ARHGAP8: variants seen among roughly 807,000 people sequenced by gnomAD.
The protein encoded by ARHGAP8 is rho GTPase-activating protein 8.
In ARHGAP8, 62 loss-of-function variants were observed where a neutral mutation model predicts 46.1. The ratio of observed to expected loss-of-function variants is 1.34; its 90% CI spans 1.10 to 1.66. ARHGAP8 has a LOEUF of 1.66. ARHGAP8 is among the 40% of genes most tolerant of loss of function. The pLI is 0.00. For missense variants in ARHGAP8, 923 were observed against 568.4 expected (o/e 1.62, Z -6.34); for synonymous variants, 375 against 243.1 (o/e 1.54, Z -5.05).
At chr22:44,832,751 AT>A (rs1332258222) in intron 7 of ARHGAP8, among the ~76,000 whole-genome samples, 1 of 152,114 alleles carries the variant, frequency 6.6e-6, no homozygotes, top group Non-Finnish European at 1.5e-5. Context: ...TTATTGCCTG[AT>A]TATGCCTGAC....
chr22:44,859,386 C>T lies in ARHGAP8; in HGVS notation c.878-345C>T, dbSNP rs2285123. ...CTCTCTCTTGCTCCTGTTTTTGCCA[C>T]GTGATGCACCTCCTTCCTTTTTGCC... is the stretch of plus-strand genomic sequence containing the variant. On this transcript the variant is annotated intron_variant, in intron 10 of 11. Coordinates refer to ENST00000356099, the MANE Select transcript of ARHGAP8 (RefSeq NM_181335.3). Among the ~76,000 whole-genome samples the T allele has an allele frequency of 2.6e-3, 403 of 152,264 alleles. 7 individuals are homozygous for T. The East Asian group carries it at 0.039, about 15-fold the overall frequency.
chr22:44,850,747 C>T (rs1183972700), intron 10 of ARHGAP8: 2 of 152,086 alleles, frequency 1.3e-5, no homozygotes, highest in African/African-American at 4.8e-5. Flanking sequence ...GGGTGGATCA[C>T]TTGTCATAGG....
chr22:44,828,395 C>T (rs1265399423), intron 7 of ARHGAP8, among the ~76,000 whole-genome samples: 1 of 151,330 alleles, frequency 6.6e-6, no homozygotes, highest in Non-Finnish European at 1.5e-5. Context: ...GAGAACTCAG[C>T]CCTTGACCAG....
rs147677675 is a variant in ARHGAP8 at position 44,862,445 on chromosome 22, G to C, written c.1152G>C (p.Pro384=). The C allele has an allele frequency of 3.7e-6, 6 of 1,613,968 alleles. No homozygotes were observed. The highest frequency in any genetic ancestry group is 2.2e-5 in the South Asian group (2 of 91,060). Residue 384 remains proline, a synonymous_variant, in exon 12 of 12, where the codon CCG becomes CCC. Coordinates refer to ENST00000356099, the MANE Select transcript of ARHGAP8 (RefSeq NM_181335.3). ...IEYYEKIFST[P]EAPGEHGLAP... ...ACTATGAAAAGATCTTCAGCACCCC[G>C]GAGGCACCTGGGGAGCACGGCCTGG...
chr22:44,860,139 G>A (rs990930266), intron 11 of ARHGAP8, among the ~76,000 whole-genome samples: 1 of 152,048 alleles, frequency 6.6e-6, no homozygotes, highest in African/African-American at 2.4e-5. Context: ...TTCCTGCTTG[G>A]GCTGAGTCTC....
intron 2 of ARHGAP8, among the ~76,000 whole-genome samples, chr22:44,793,593 G>A (rs535367650): frequency 3.3e-5 from 5 of 152,248 alleles, no homozygotes; most frequent in South Asian, 2.1e-4. Flanking sequence ...TTTATGATGC[G>A]TTTTAATCGC....
intron 7 of ARHGAP8, among the ~76,000 whole-genome samples, chr22:44,829,009 A>G (rs1341321817): frequency 6.6e-6 from 1 of 150,910 alleles, no homozygotes; most frequent in Admixed American, 6.6e-5. Flanking sequence ...GCGGTGGCTC[A>G]TGCCTGTAAT....
intron 7 of ARHGAP8, among the ~76,000 whole-genome samples, chr22:44,838,160 C>T (rs1360411632): frequency 5.8e-5 from 8 of 138,910 alleles, no homozygotes; most frequent in South Asian, 2.3e-4. Flanking sequence ...TTTTTGAAGA[C>T]GGAGTCTTGC....
intron 4 of ARHGAP8, among the ~76,000 whole-genome samples, 176 bp from the exon 5 acceptor site, chr22:44,814,495 AG>A (rs892692689): frequency 4.5e-4 from 69 of 152,262 alleles, no homozygotes; most frequent in African/African-American, 1.4e-3. Flanking sequence ...GCAGCAGGTG[AG>A]GGGTCCTGAT....
rs2070564377 is a variant in ARHGAP8, at chr22:44,862,751, C to T, written c.*156C>T. Reference sequence around the variant, plus strand: ...TGCCTCTGGTCCTTGGACTCTTGTCCATGGTTCCTGAGCTGTGGACCGGGA... The same window carrying T: ...TGCCTCTGGTCCTTGGACTCTTGTCTATGGTTCCTGAGCTGTGGACCGGGA... On this transcript the variant is annotated 3_prime_UTR_variant, in exon 12 of 12. Coordinates refer to ENST00000356099, the MANE Select transcript of ARHGAP8 (RefSeq NM_181335.3). The T allele has an allele frequency of 6.5e-6, 6 of 920,420 alleles. No individual in the cohort carries two copies. Among genetic ancestry groups the T allele is most frequent in the African/African-American group, 1.7e-5 (1 of 60,358 alleles). 57.0% of individuals were successfully genotyped at this position (920,420 alleles called of 1,614,324 possible). A position where few individuals can be genotyped will look rare whatever the true frequency, so the allele number is the denominator to read the frequency against.
rs1391250768 is a variant in ARHGAP8 at position 44,857,387 on chromosome 22, C to T, written c.878-2344C>T. ...AGGGTCAAAATCTTTTCCTTCTCCCCATCTTAGGTTCCTTGGTGGGGGCCC... is the reference window on the plus strand; with the variant it reads ...AGGGTCAAAATCTTTTCCTTCTCCCTATCTTAGGTTCCTTGGTGGGGGCCC... On this transcript the variant is annotated intron_variant, in intron 10 of 11. Coordinates refer to ENST00000356099, the MANE Select transcript of ARHGAP8 (RefSeq NM_181335.3). Among the ~76,000 whole-genome samples, 6 of 152,182 alleles carry T rather than the reference C, an allele frequency of 3.9e-5. No individual in the cohort carries two copies. The South Asian group carries it at 6.2e-4, about 16-fold the overall frequency.
Position 44,845,336 on chromosome 22 carries a change from GAGAA to G in ARHGAP8, c.667_670del (p.Lys223AlafsTer30). On this transcript the variant is annotated frameshift_variant and splice_region_variant, in exon 8 of 12. Coordinates refer to ENST00000356099, the MANE Select transcript of ARHGAP8 (RefSeq NM_181335.3). LOFTEE classifies it high-confidence loss of function. ...GAGGTTCACAGTGACGTACCTGAGA[GAGAA>G]AGGTGAGACGGGGCCGGCTCCAGCT... is the stretch of plus-strand genomic sequence containing the variant. 1 of 1,614,106 alleles carries G rather than the reference GAGAA, an allele frequency of 6.2e-7. No individual in the cohort carries two copies. Among genetic ancestry groups the G allele is most frequent in the Non-Finnish European group, 8.5e-7 (1 of 1,180,004 alleles).
intron 10 of ARHGAP8, among the ~76,000 whole-genome samples, chr22:44,858,401 C>T (rs961968597): frequency 2.0e-5 from 3 of 147,848 alleles, no homozygotes; most frequent in South Asian, 4.3e-4. Context: ...GAGTTTCACT[C>T]TTGTTGCCCA....
intron 1 of ARHGAP8, among the ~76,000 whole-genome samples, chr22:44,757,732 G>A (rs1271827893): frequency 6.6e-6 from 1 of 151,918 alleles, no homozygotes; most frequent in Admixed American, 6.6e-5. Context: ...TCCGCCTCCT[G>A]GGCTCAAATG....
At chr22:44,822,504 T>G in intron 6 of ARHGAP8, 35 bp downstream of exon 6, 1 of 1,493,042 alleles carries the variant, frequency 6.7e-7, no homozygotes, top group Non-Finnish European at 8.9e-7. Context: ...GCCGCATCAA[T>G]ACATCTTCGT....
At chr22:44,806,269 G>A (rs548864488) in intron 3 of ARHGAP8, among the ~76,000 whole-genome samples, 90 of 152,286 alleles carry the variant, frequency 5.9e-4, no homozygotes, top group African/African-American at 1.9e-3. Flanking sequence ...AGTATGCCCC[G>A]GTGGCTTAGC....
chr22:44,753,554 G>A (rs1048809922), intron 1 of ARHGAP8, among the ~76,000 whole-genome samples: 1 of 149,544 alleles, frequency 6.7e-6, no homozygotes, highest in Non-Finnish European at 1.5e-5. Context: ...TCCGCTAGCA[G>A]CCTCGGAGGT....
chr22:44,861,254 T>G (rs1012287681), intron 11 of ARHGAP8, among the ~76,000 whole-genome samples: 1 of 152,156 alleles, frequency 6.6e-6, no homozygotes, highest in Non-Finnish European at 1.5e-5. Flanking sequence ...ATTACAGGTG[T>G]GAGCCACTGC....
chr22:44,756,187 C>T (rs910304043), intron 1 of ARHGAP8, among the ~76,000 whole-genome samples: 1 of 152,126 alleles, frequency 6.6e-6, no homozygotes, highest in South Asian at 2.1e-4. Flanking sequence ...TTGGGCAGGT[C>T]TGAATTCCTG....
Sources: gnomAD v4.1 joint callset for allele counts (sites outside exome capture counted in the v4.1 genomes callset) on GRCh38, gnomAD v4.1.1 for gene constraint, MANE v1.5 for transcripts, NCBI Gene and HGNC (gene_info 2026-07-23, HGNC 2026-07-21) for gene names.